HECTD4: variants seen among roughly 807,000 people sequenced by gnomAD.
HECTD4 encodes HECT domain E3 ubiquitin protein ligase 4.
A neutral mutation model predicts 471.5 loss-of-function variants in HECTD4; 114 were observed. The ratio of observed to expected loss-of-function variants is 0.24; its 90% confidence interval spans 0.21 to 0.28. HECTD4 has a LOEUF of 0.28. Among genes scored for constraint, HECTD4 ranks in the 10% least tolerant of loss-of-function variants. The pLI is 1.00. For synonymous variants in HECTD4, 2,012 were observed against 2,256.0 expected (o/e 0.89, Z 3.07); for missense variants, 3,866 against 5,651.5 (o/e 0.68, Z 10.13).
At chr12:112,172,974 G>A (rs1566060084) in intron 66 of HECTD4, 113 bp from the exon 67 acceptor site, 3 of 895,830 alleles carry the variant, frequency 3.3e-6, no homozygotes, top group South Asian at 3.0e-5. Flanking sequence ...TTCAGAAGAC[G>A]GCCTCGCCTT....
intron 1 of HECTD4, among the ~76,000 whole-genome samples, chr12:112,326,612 T>C (rs1368880767): frequency 1.3e-5 from 2 of 152,182 alleles, no homozygotes; most frequent in Admixed American, 6.6e-5. Context: ...CCAGCCATGA[T>C]GTGAAATGTG....
At position 112,250,997 on chromosome 12, in the gene HECTD4, C is replaced by A; in HGVS notation, c.3690G>T (p.Glu1230Asp). 1.1e-5 allele frequency: 17 copies of A among 1,613,344 alleles called. No homozygotes were observed. The highest frequency in any genetic ancestry group is 1.4e-5 in the Non-Finnish European group (17 of 1,179,582). ...EITKEEEACQ[E>D]LLRSKLLQRC... ...TTTGTAAAAGTTTGGACCGCAATAG[C>A]TCCTGACAGGCTTCTTCTTCTTTGG... Residue 1230 changes from glutamate to aspartate, a missense_variant, in exon 24 of 76, where the codon GAG becomes GAT. Around this residue, in one of 16 missense-constraint regions of HECTD4, gnomAD observed 281 missense variants for 499.9 expected, o/e 0.56. Coordinates refer to ENST00000682272, the MANE Select transcript of HECTD4 (RefSeq NM_001388303.1).
chr12:112,217,315 A>G (rs1316355688), intron 45 of HECTD4, 120 bp from the exon 46 acceptor site: 9 of 549,538 alleles, frequency 1.6e-5, no homozygotes, highest in African/African-American at 2.3e-5. Context: ...ACACACACAC[A>G]CATACACACA....
intron 60 of HECTD4, among the ~76,000 whole-genome samples, chr12:112,187,386 T>C (rs2031911914): frequency 6.6e-6 from 1 of 152,148 alleles, no homozygotes. Flanking sequence ...TGTATGTATG[T>C]ATGAATGGAT....
chr12:112,229,959 C>T lies in HECTD4; in HGVS notation c.6337-79G>A. On this transcript the variant is annotated intron_variant, in intron 40 of 75. Coordinates refer to ENST00000682272, the MANE Select transcript of HECTD4 (RefSeq NM_001388303.1). Reference sequence around the variant, plus strand: ...GCCAAGGGTGATAAAGTGTCTACAACAGTGCCTGGGTCCCATGTATTGAAG... The same window carrying T: ...GCCAAGGGTGATAAAGTGTCTACAATAGTGCCTGGGTCCCATGTATTGAAG... 4.5e-6 allele frequency: 6 copies of T among 1,338,724 alleles called. No individual in the cohort carries two copies. The East Asian group carries it at 1.0e-4, about 23-fold the overall frequency. 82.9% of individuals were successfully genotyped at this position (1,338,724 alleles called of 1,614,324 possible).
intron 20 of HECTD4, 135 bp from the exon 21 acceptor site, chr12:112,256,653 G>A: frequency 2.2e-6 from 1 of 453,342 alleles, no homozygotes; most frequent in South Asian, 1.1e-4. Flanking sequence ...TGATATCAGT[G>A]GCAATCAGAA....
At chr12:112,302,891 A>G (rs576155271) in intron 7 of HECTD4, among the ~76,000 whole-genome samples, 2 of 150,652 alleles carry the variant, frequency 1.3e-5, no homozygotes, top group African/African-American at 4.9e-5. Flanking sequence ...CATTAGCACT[A>G]TTTTTTTAAC....
chr12:112,322,897 GC>G (rs2035614351), intron 1 of HECTD4: 3 of 156,620 alleles, frequency 1.9e-5, no homozygotes, highest in Middle Eastern at 3.1e-3. Context: ...TACAGTCCAT[GC>G]ACCCACTTCA....
chr12:112,240,067 G>A (rs1392734820), intron 32 of HECTD4, 40 bp from the exon 33 acceptor site: 2 of 1,606,640 alleles, frequency 1.2e-6, no homozygotes, highest in South Asian at 2.2e-5. Flanking sequence ...CCTGAACCAT[G>A]TCAAGAACAG....
chr12:112,241,032 A>G (rs1421755771), intron 32 of HECTD4, among the ~76,000 whole-genome samples: 1 of 152,250 alleles, frequency 6.6e-6, no homozygotes, highest in Non-Finnish European at 1.5e-5. Context: ...AATTTGTTAA[A>G]GTTTCAAGCA....
At chr12:112,192,891 G>T in intron 58 of HECTD4, 126 bp from the exon 59 acceptor site, 2 of 1,198,860 alleles carry the variant, frequency 1.7e-6, no homozygotes, top group Non-Finnish European at 2.3e-6. Context: ...ACCACACTTT[G>T]GAAGGTCATT....
Position 112,314,451 on chromosome 12 carries a change from A to G in HECTD4, c.785+6T>C, listed in dbSNP as rs1594036408. 3 of 1,461,074 alleles carry G rather than the reference A, an allele frequency of 2.1e-6. No homozygotes were observed. Among genetic ancestry groups the G allele is most frequent in the East Asian group, 2.5e-5 (1 of 40,540 alleles). 90.5% of individuals were successfully genotyped at this position (1,461,074 alleles called of 1,614,324 possible). A position where few individuals can be genotyped will look rare whatever the true frequency, so the allele number is the denominator to read the frequency against. Reference sequence around the variant, plus strand: ...AGGAGGGTAAGGATACAAAGTGACAACTTACCTATATAGCACATCAGCTAC... The same window carrying G: ...AGGAGGGTAAGGATACAAAGTGACAGCTTACCTATATAGCACATCAGCTAC... On this transcript the variant is annotated splice_donor_region_variant and intron_variant, in intron 3 of 75. Transcript: ENST00000682272.
intron 22 of HECTD4, among the ~76,000 whole-genome samples, chr12:112,253,813 T>C (rs1315123211): frequency 6.6e-6 from 1 of 152,194 alleles, no homozygotes; most frequent in African/African-American, 2.4e-5. Context: ...TGACAACTTC[T>C]ATGCATGGAG....
intron 1 of HECTD4, among the ~76,000 whole-genome samples, chr12:112,324,905 A>G (rs949042410): frequency 3.3e-5 from 5 of 152,142 alleles, no homozygotes; most frequent in Admixed American, 2.0e-4. Context: ...ATACCTACCT[A>G]TGTACTCAAC....
chr12:112,227,976 G>A, intron 43 of HECTD4, 113 bp downstream of exon 43: 1 of 920,936 alleles, frequency 1.1e-6, no homozygotes, highest in Non-Finnish European at 1.6e-6. Context: ...AGTTTAGTGT[G>A]AGCTTCAAGC....
chr12:112,206,125 G>T (rs1422030024), intron 52 of HECTD4, among the ~76,000 whole-genome samples: 1 of 152,134 alleles, frequency 6.6e-6, no homozygotes, highest in Non-Finnish European at 1.5e-5. Flanking sequence ...ATTATGGGAG[G>T]AAAGCAAAAT....
At chr12:112,208,682 A>G in intron 50 of HECTD4, 52 bp from the exon 51 acceptor site, 2 of 1,486,792 alleles carry the variant, frequency 1.3e-6, no homozygotes, top group South Asian at 2.9e-5. Flanking sequence ...GGCTAGAAAA[A>G]TCCTTAACTT....
At chr12:112,338,096 G>C (rs2135723073) in intron 1 of HECTD4, among the ~76,000 whole-genome samples, 1 of 152,296 alleles carries the variant, frequency 6.6e-6, no homozygotes, top group African/African-American at 2.4e-5. Context: ...AGTGTCGGCA[G>C]GGCTGCACTC....
At position 112,164,457 on chromosome 12, in the gene HECTD4, C is replaced by T. The variant is rs2030843078; in HGVS notation, c.12535-182G>A. ...ATCAGTTCAGGGCCGGGCGTGTGAC[C>T]CAGGCCAGGCTAAAGAGACCCACAT... On this transcript the variant is annotated intron_variant, in intron 72 of 75. Coordinates refer to ENST00000682272, the MANE Select transcript of HECTD4 (RefSeq NM_001388303.1). Among the ~76,000 whole-genome samples the T allele has an allele frequency of 2.0e-5, 3 of 152,110 alleles. No individual in the cohort carries two copies. The South Asian group carries it at 6.2e-4, about 32-fold the overall frequency.
Sources: allele counts gnomAD v4.1 joint callset (sites outside exome capture counted in the v4.1 genomes callset), GRCh38; gene constraint gnomAD v4.1.1; regional missense constraint gnomAD v4.1.1; transcripts MANE v1.5; gene names NCBI Gene and HGNC (gene_info 2026-07-23, HGNC 2026-07-21).